The following NAALADL2 variants were observed in gnomAD, a reference collection of about 807,000 sequenced individuals.
NAALADL2 encodes inactive N-acetylated-alpha-linked acidic dipeptidase-like protein 2.
NAALADL2 carries 76 observed loss-of-function variants against 87.2 expected under a neutral mutation model. That is an observed-to-expected ratio of 0.87 (90% confidence interval 0.72 to 1.05). NAALADL2 has a LOEUF of 1.05. NAALADL2 is among the 50% of genes least tolerant of loss of function. The pLI, the probability that NAALADL2 is intolerant of heterozygous loss-of-function variation, is 0.00. For synonymous variants in NAALADL2, 354 were observed against 331.0 expected, an observed-to-expected ratio of 1.07 and a Z score of -0.75; for missense variants, 1,089 against 945.8, an observed-to-expected ratio of 1.15 and a Z score of -1.99.
intron 5 of NAALADL2, chr3:175,369,599 C>A (rs1385949029): frequency 1.3e-5 from 2 of 152,112 alleles, no homozygotes; most frequent in Admixed American, 6.6e-5. Flanking sequence ...ACACACATAG[C>A]AGGTGTATAT....
intron 3 of NAALADL2, among the ~76,000 whole-genome samples, chr3:174,791,744 C>G (rs981505810): frequency 4.6e-5 from 7 of 152,122 alleles, no homozygotes; most frequent in African/African-American, 1.7e-4. Flanking sequence ...ATTTTATATC[C>G]TCATGTATAT....
intron 1 of NAALADL2, among the ~76,000 whole-genome samples, chr3:174,925,509 C>A (rs1481621831): frequency 2.0e-5 from 3 of 152,140 alleles, no homozygotes; most frequent in Non-Finnish European, 4.4e-5. Context: ...TAGTGTGATG[C>A]CTCCAGCTTT....
At chr3:175,380,745 A>G (rs1190457242) in intron 5 of NAALADL2, among the ~76,000 whole-genome samples, 2 of 152,144 alleles carry the variant, frequency 1.3e-5, no homozygotes, top group Non-Finnish European at 2.9e-5. Context: ...CAAAAAATAT[A>G]CTGTCTGAAA....
intron 1 of NAALADL2, among the ~76,000 whole-genome samples, chr3:175,084,201 C>A (rs1378069576): frequency 1.3e-5 from 2 of 152,156 alleles, no homozygotes; most frequent in South Asian, 2.1e-4. Flanking sequence ...AAAAAGCTAC[C>A]CCCCAAATTT....
chr3:174,719,302 G>T (rs1341257729), intron 2 of NAALADL2, among the ~76,000 whole-genome samples: 1 of 151,908 alleles, frequency 6.6e-6, no homozygotes, highest in Non-Finnish European at 1.5e-5. Context: ...ATACTTTTAT[G>T]TGAAAAAAAT....
In NAALADL2 at chr3:175,447,342, G is replaced by T. The variant is rs1395429504; in HGVS notation, c.1204G>T (p.Ala402Ser). 3 of 1,596,960 alleles carry T rather than the reference G, an allele frequency of 1.9e-6. No individual in the cohort carries two copies. Among genetic ancestry groups the T allele is most frequent in the Non-Finnish European group, 2.6e-6 (3 of 1,170,720 alleles). Residue 402 changes from alanine to serine, a missense_variant, in exon 6 of 14, where the codon GCG becomes TCG. By Grantham distance (99) the Ala-to-Ser change is moderately conservative. Transcript: ENST00000454872. ...GCCAAAAGCTAGAACCAAAAATGAAGCGTGTAGCTCTCTAGAGCTTCCAAA... is the reference window on the plus strand; with the variant it reads ...GCCAAAAGCTAGAACCAAAAATGAATCGTGTAGCTCTCTAGAGCTTCCAAA... ...SSPKARTKNE[A>S]CSSLELPNNE...
chr3:175,738,008 C>T (rs577696072), intron 12 of NAALADL2, among the ~76,000 whole-genome samples: 15 of 152,028 alleles, frequency 9.9e-5, no homozygotes, highest in Non-Finnish European at 2.1e-4. Context: ...ACAAATCTTT[C>T]AATTAGGCTC....
intron 1 of NAALADL2, among the ~76,000 whole-genome samples, chr3:175,002,342 C>T (rs755738249): frequency 2.5e-4 from 38 of 152,110 alleles, no homozygotes; most frequent in South Asian, 1.0e-3. Context: ...TTATATTGTT[C>T]GAATGACCAC....
chr3:175,650,458 A>G (rs1274247988), intron 11 of NAALADL2, among the ~76,000 whole-genome samples: 3 of 152,202 alleles, frequency 2.0e-5, no homozygotes, highest in African/African-American at 2.4e-5. Context: ...AAATCATGAA[A>G]TAGTATACAT....
intron 1 of NAALADL2, among the ~76,000 whole-genome samples, chr3:174,900,323 G>A (rs1273613569): frequency 6.6e-6 from 1 of 152,030 alleles, no homozygotes; most frequent in Non-Finnish European, 1.5e-5. Context: ...GATTTATTAA[G>A]GGGTTAAGTA....
chr3:174,811,690 T>A (rs144174134), intron 3 of NAALADL2, among the ~76,000 whole-genome samples: 1 of 152,136 alleles, frequency 6.6e-6, no homozygotes, highest in South Asian at 2.1e-4. Context: ...GTTAAGACTT[T>A]GGGGACTGTT....
chr3:174,459,424 G>C (rs1227966255), intron 1 of NAALADL2: 1 of 152,218 alleles, frequency 6.6e-6, no homozygotes, highest in African/African-American at 2.4e-5. Flanking sequence ...TTTGAGGATA[G>C]TGGGAAAGTA....
intron 5 of NAALADL2, among the ~76,000 whole-genome samples, chr3:175,334,933 A>C (rs1761825523): frequency 6.6e-6 from 1 of 152,234 alleles, no homozygotes; most frequent in South Asian, 2.1e-4. Flanking sequence ...CGTTTCTGCA[A>C]TCAGTCATTG....
chr3:174,958,827 T>A (rs976851468), intron 1 of NAALADL2, among the ~76,000 whole-genome samples: 1 of 152,114 alleles, frequency 6.6e-6, no homozygotes, highest in African/African-American at 2.4e-5. Context: ...TGTACAGTCA[T>A]AAGAAATTTA....
In NAALADL2 at chr3:175,447,209, CCTTT is replaced by C; in HGVS notation, c.1091-19_1091-16del. 6.5e-7 allele frequency: 1 copy of C among 1,535,190 alleles called. No homozygotes were observed. Among genetic ancestry groups the C allele is most frequent in the South Asian group, 1.3e-5 (1 of 79,668 alleles). The stretch of plus-strand genomic sequence containing the variant: ...ATTTCTGTTTACTAAGGATTATCTT[CCTTT>C]GTCTTTTGAATACAGATGAAAGTTT... On this transcript the variant is annotated splice_polypyrimidine_tract_variant and intron_variant, in intron 5 of 13. Coordinates refer to ENST00000454872, the MANE Select transcript of NAALADL2 (RefSeq NM_207015.3).
intron 2 of NAALADL2, among the ~76,000 whole-genome samples, chr3:174,607,913 G>A (rs1719307026): frequency 6.6e-6 from 1 of 151,804 alleles, no homozygotes; most frequent in Admixed American, 6.6e-5. Context: ...CACATACTTG[G>A]AAGTAAAGCT....
intron 1 of NAALADL2, among the ~76,000 whole-genome samples, chr3:174,531,168 T>C (rs1174294218): frequency 6.6e-6 from 1 of 152,142 alleles, no homozygotes; most frequent in Non-Finnish European, 1.5e-5. Context: ...CTATGCATGG[T>C]GTATGTTTCT....
chr3:175,165,249 G>T (rs1327707938), intron 2 of NAALADL2, among the ~76,000 whole-genome samples: 2 of 152,056 alleles, frequency 1.3e-5, no homozygotes, highest in Non-Finnish European at 2.9e-5. Flanking sequence ...TTTAAAGTTA[G>T]TCTTATTTAC....
chr3:175,417,685 G>A (rs1053458270), intron 5 of NAALADL2, among the ~76,000 whole-genome samples: 8 of 152,070 alleles, frequency 5.3e-5, no homozygotes, highest in African/African-American at 2.4e-5. Flanking sequence ...TGTAAAATAA[G>A]ATTATAATGA....
Sources: allele counts gnomAD v4.1 joint callset (sites outside exome capture counted in the v4.1 genomes callset), GRCh38; gene constraint gnomAD v4.1.1; transcripts MANE v1.5; gene names NCBI Gene and HGNC (gene_info 2026-07-23, HGNC 2026-07-21).